CHLSN: variants seen among roughly 807,000 people sequenced by gnomAD.
The protein encoded by CHLSN is cholesin, also known as protein cholesin.
chr7:1,100,140 C>T, the CHLSN span, among the ~76,000 whole-genome samples: 2 of 152,230 alleles, frequency 1.3e-5, no homozygotes, highest in Non-Finnish European at 2.9e-5. Flanking sequence ...AAATGCTATA[C>T]ATGCCACTTG....
the CHLSN span, among the ~76,000 whole-genome samples, chr7:982,705 G>A: frequency 6.6e-6 from 1 of 152,248 alleles, no homozygotes; most frequent in South Asian, 2.1e-4. Context: ...CCCTTGCCCC[G>A]TGGGGAGCTG....
chr7:1,001,254 A>T, the CHLSN span, among the ~76,000 whole-genome samples: 2 of 152,214 alleles, frequency 1.3e-5, no homozygotes, highest in African/African-American at 4.8e-5. Flanking sequence ...TGAAGACTGT[A>T]GGCTCAGCAC....
chr7:1,018,807 C>T, the CHLSN span, among the ~76,000 whole-genome samples: 22 of 152,136 alleles, frequency 1.4e-4, no homozygotes, highest in Non-Finnish European at 2.5e-4. Context: ...ATCAGGGCTG[C>T]GCCCCAGGTC....
chr7:1,017,395 G>A, the CHLSN span, among the ~76,000 whole-genome samples: 2 of 152,230 alleles, frequency 1.3e-5, no homozygotes, highest in South Asian at 4.1e-4. Flanking sequence ...TGTGGGTGAA[G>A]GGGTCACCTG....
At chr7:985,633 C>T in the CHLSN span, among the ~76,000 whole-genome samples, 1 of 152,148 alleles carries the variant, frequency 6.6e-6, no homozygotes, top group Non-Finnish European at 1.5e-5. Context: ...GCGGGGGGCT[C>T]CATGTCTGCC....
At chr7:1,000,009 T>C in the CHLSN span, among the ~76,000 whole-genome samples, 2,746 of 152,314 alleles carry the variant, frequency 0.018, 46 homozygotes, top group Non-Finnish European at 0.025. Context: ...ACACACGTCA[T>C]GCACACACGC....
chr7:1,013,413 C>T, the CHLSN span, among the ~76,000 whole-genome samples: 1 of 152,172 alleles, frequency 6.6e-6, no homozygotes, highest in Non-Finnish European at 1.5e-5. Flanking sequence ...TGTGAGGGCC[C>T]CTTCTAGGGA....
At chr7:1,048,413 C>T in the CHLSN span, among the ~76,000 whole-genome samples, 2 of 152,104 alleles carry the variant, frequency 1.3e-5, no homozygotes, top group East Asian at 3.9e-4. Context: ...CTGTGCAGTG[C>T]AGGCGCTATG....
chr7:1,011,378 CACAG>C, the CHLSN span, among the ~76,000 whole-genome samples: 5 of 150,482 alleles, frequency 3.3e-5, no homozygotes, highest in Non-Finnish European at 7.4e-5. Flanking sequence ...CCAACAAATC[CACAG>C]ACACCCAGAC....
the CHLSN span, among the ~76,000 whole-genome samples, chr7:1,066,117 G>C: frequency 1.6e-4 from 24 of 152,362 alleles, no homozygotes; most frequent in African/African-American, 5.8e-4. Flanking sequence ...GCCGGCAGCC[G>C]GCGGCTGGAG....
the CHLSN span, among the ~76,000 whole-genome samples, chr7:1,096,477 G>T: frequency 6.6e-6 from 1 of 152,194 alleles, no homozygotes; most frequent in Non-Finnish European, 1.5e-5. This position sits in a 1 kb window ranked among gnomAD's most constrained non-coding sequence, Gnocchi z 4.6. Flanking sequence ...CCAGCAGGCC[G>T]GGCAGGGACT....
the CHLSN span, among the ~76,000 whole-genome samples, chr7:995,325 C>T: frequency 6.6e-6 from 1 of 152,238 alleles, no homozygotes; most frequent in Non-Finnish European, 1.5e-5. Context: ...TTACGATCCA[C>T]AGAGGTGGGA....
At chr7:1,017,080 C>G in the CHLSN span, among the ~76,000 whole-genome samples, 1 of 152,206 alleles carries the variant, frequency 6.6e-6, no homozygotes, top group Non-Finnish European at 1.5e-5. Flanking sequence ...GTGGGGTCTG[C>G]GGAGAGCCCG....
chr7:986,808 A>T, the CHLSN span: 2 of 1,531,524 alleles, frequency 1.3e-6, no homozygotes, highest in Non-Finnish European at 1.8e-6. Context: ...GTGTGTCGGG[A>T]CCCAAGACCT....
the CHLSN span, among the ~76,000 whole-genome samples, chr7:1,017,262 A>C: frequency 6.6e-6 from 1 of 152,166 alleles, no homozygotes; most frequent in Non-Finnish European, 1.5e-5. Flanking sequence ...GAAGATAAGG[A>C]GCTCCCTGCT....
chr7:1,106,553 C>T, the CHLSN span, among the ~76,000 whole-genome samples: 1 of 152,156 alleles, frequency 6.6e-6, no homozygotes, highest in East Asian at 1.9e-4. Flanking sequence ...CGGATTGACA[C>T]GTCAGGAGGA....
At chr7:1,104,417 A>G in the CHLSN span, among the ~76,000 whole-genome samples, 1 of 152,186 alleles carries the variant, frequency 6.6e-6, no homozygotes, top group African/African-American at 2.4e-5. Context: ...TAATGCATTC[A>G]CGTCATCTAT....
At chr7:1,003,567 G>GT in the CHLSN span, among the ~76,000 whole-genome samples, 3 of 46,070 alleles carry the variant, frequency 6.5e-5, no homozygotes, top group South Asian at 1.2e-3. Context: ...CCTGTGGGTG[G>GT]GGAGTCCTGT....
chr7:1,013,369 A>T, the CHLSN span, among the ~76,000 whole-genome samples: 57 of 152,332 alleles, frequency 3.7e-4, no homozygotes, highest in African/African-American at 1.3e-3. Flanking sequence ...ACACCAAAAA[A>T]TTTTTAAAAG....
Sources: gnomAD v4.1 joint callset for allele counts (sites outside exome capture counted in the v4.1 genomes callset) on GRCh38, gnomAD v4.1.1 for gene constraint, Gnocchi (gnomAD v3.1) non-coding constraint, MANE v1.5 for transcripts, NCBI Gene and HGNC (gene_info 2026-07-23, HGNC 2026-07-21) for gene names.